CDK19: variants seen among roughly 807,000 people sequenced by gnomAD.
CDK19 encodes cyclin-dependent kinase 19.
Under a neutral mutation model 68.3 loss-of-function variants are expected in CDK19, and 20 were observed. That is an observed-to-expected ratio of 0.29 (90% CI 0.21 to 0.43). CDK19 has a LOEUF of 0.43. CDK19 is among the 20% of genes least tolerant of loss of function. CDK19 has a pLI of 1.00. For missense variants in CDK19, 339 were observed against 623.5 expected (o/e 0.54, Z 4.86); for synonymous variants, 221 against 222.8 (o/e 0.99, Z 0.07).
At chr6:110,653,098 G>A (rs187806335) in intron 4 of CDK19, among the ~76,000 whole-genome samples, 1 of 152,276 alleles carries the variant, frequency 6.6e-6, no homozygotes, top group Non-Finnish European at 1.5e-5. Context: ...AAGGTCTCAA[G>A]ATACTTGATG....
At chr6:110,807,056 T>G (rs1782726943) in intron 1 of CDK19, among the ~76,000 whole-genome samples, 3 of 151,666 alleles carry the variant, frequency 2.0e-5, no homozygotes, top group Admixed American at 2.0e-4. Context: ...CCCCAGCACT[T>G]TGGGAGGTCA....
intron 2 of CDK19, among the ~76,000 whole-genome samples, chr6:110,703,782 G>A (rs1389176675): frequency 1.3e-5 from 2 of 152,152 alleles, no homozygotes; most frequent in Admixed American, 6.5e-5. Context: ...CAAGGCTGCA[G>A]TGAGCTATGA....
intron 2 of CDK19, among the ~76,000 whole-genome samples, chr6:110,733,724 A>G (rs1776944448): frequency 6.6e-6 from 1 of 151,968 alleles, no homozygotes; most frequent in Non-Finnish European, 1.5e-5. Flanking sequence ...CACAAAAAAC[A>G]TAGCAGAGAT....
At chr6:110,800,463 T>C (rs1782270035) in intron 1 of CDK19, among the ~76,000 whole-genome samples, 1 of 152,256 alleles carries the variant, frequency 6.6e-6, no homozygotes, top group South Asian at 2.1e-4. Flanking sequence ...ACGAAACCAG[T>C]ATCATCCTGA....
intron 4 of CDK19, among the ~76,000 whole-genome samples, chr6:110,666,185 G>A (rs1258586507): frequency 6.7e-6 from 1 of 150,016 alleles, no homozygotes; most frequent in African/African-American, 2.4e-5. Flanking sequence ...GGAGGCCGAG[G>A]AGGGTGGATC....
chr6:110,732,011 A>T (rs1211429255), intron 2 of CDK19, among the ~76,000 whole-genome samples: 1 of 152,124 alleles, frequency 6.6e-6, no homozygotes, highest in Non-Finnish European at 1.5e-5. Context: ...ATCTTTCCCA[A>T]AACTAAGTAA....
chr6:110,646,059 C>T, intron 4 of CDK19: 1 of 887,910 alleles, frequency 1.1e-6, no homozygotes, highest in Non-Finnish European at 1.8e-6. Context: ...CCCTTTGTTG[C>T]CAGGCATGGG....
chr6:110,649,785 C>T (rs372466444), intron 4 of CDK19, among the ~76,000 whole-genome samples: 57 of 152,134 alleles, frequency 3.7e-4, no homozygotes, highest in Admixed American at 8.5e-4. Flanking sequence ...AAATTAAGAT[C>T]ACAATAACAT....
chr6:110,718,240 G>A (rs1379973263), intron 2 of CDK19, among the ~76,000 whole-genome samples: 2 of 152,182 alleles, frequency 1.3e-5, no homozygotes, highest in Non-Finnish European at 2.9e-5. Flanking sequence ...GTGGGCTGAT[G>A]TATAAAGCCC....
chr6:110,659,765 CAT>C (rs756507291), intron 4 of CDK19, among the ~76,000 whole-genome samples: 2 of 152,062 alleles, frequency 1.3e-5, no homozygotes, highest in Non-Finnish European at 1.5e-5. Context: ...AATTAGGAAA[CAT>C]ATTTTGAATT....
At chr6:110,711,720 C>CCTTGG (rs1554209686) in intron 2 of CDK19, among the ~76,000 whole-genome samples, 1 of 152,260 alleles carries the variant, frequency 6.6e-6, no homozygotes, top group Non-Finnish European at 1.5e-5. Context: ...GCAATCCCAG[C>CCTTGG]ACTTTGGGAG....
intron 1 of CDK19, among the ~76,000 whole-genome samples, chr6:110,748,848 C>A (rs1184729560): frequency 6.6e-6 from 1 of 152,214 alleles, no homozygotes; most frequent in Non-Finnish European, 1.5e-5. Context: ...GTTTCAGGCA[C>A]ATGTAATATT....
chr6:110,690,302 T>C (rs935434453), intron 2 of CDK19, among the ~76,000 whole-genome samples: 8 of 151,012 alleles, frequency 5.3e-5, no homozygotes, highest in Non-Finnish European at 1.2e-4. Context: ...TTCCTGCAGA[T>C]GAAGAAGCGC....
At chr6:110,810,811 T>A (rs980583793) in intron 1 of CDK19, among the ~76,000 whole-genome samples, 6 of 151,756 alleles carry the variant, frequency 4.0e-5, no homozygotes, top group Non-Finnish European at 8.8e-5. Context: ...AAGCAGCAGC[T>A]ACATGTAGTA....
chr6:110,623,218 G>A, intron 9 of CDK19, 72 bp downstream of exon 9: 1 of 1,239,206 alleles, frequency 8.1e-7, no homozygotes, highest in Non-Finnish European at 1.2e-6. Flanking sequence ...CTAAAGAGGA[G>A]GAATAGCTGA....
intron 2 of CDK19, among the ~76,000 whole-genome samples, chr6:110,739,697 C>T (rs977890474): frequency 4.0e-5 from 6 of 151,328 alleles, no homozygotes; most frequent in South Asian, 2.1e-4. Context: ...GTGGTGCAAT[C>T]GTAACTCACT....
chr6:110,641,369 C>T (rs1338192155), intron 4 of CDK19, among the ~76,000 whole-genome samples: 2 of 151,888 alleles, frequency 1.3e-5, no homozygotes, highest in Admixed American at 1.3e-4. Flanking sequence ...GGCCGAGGTA[C>T]GTGGATCACC....
chr6:110,641,646 A>AAGAAAGGAAGG (rs1780186278), intron 4 of CDK19, among the ~76,000 whole-genome samples: 94 of 131,462 alleles, frequency 7.2e-4, no homozygotes, highest in African/African-American at 2.8e-3. Flanking sequence ...AAAGGGAAAG[A>AAGAAAGGAAGG]AAGGAAGGAA....
intron 2 of CDK19, among the ~76,000 whole-genome samples, chr6:110,677,482 C>T (rs1235993773): frequency 1.3e-5 from 2 of 151,170 alleles, no homozygotes; most frequent in Admixed American, 6.6e-5. Context: ...AGGAGAATGG[C>T]ATGAACCTGG....
Sources: gnomAD v4.1 joint callset for allele counts (sites outside exome capture counted in the v4.1 genomes callset) on GRCh38, gnomAD v4.1.1 for gene constraint, MANE v1.5 for transcripts, NCBI Gene and HGNC (gene_info 2026-07-23, HGNC 2026-07-21) for gene names.